Variants in USP14 observed in about 807,000 individuals in gnomAD.
USP14 encodes ubiquitin carboxyl-terminal hydrolase 14.
USP14 carries 38 observed loss-of-function variants against 76.5 expected under a neutral mutation model. That is an observed-to-expected ratio of 0.50 (90% CI 0.38 to 0.65). The LOEUF (loss-of-function observed/expected upper bound fraction) is 0.65. USP14 is among the 30% of genes least tolerant of loss of function. USP14 has a pLI of 0.00. For missense variants in USP14, 467 were observed against 586.5 expected, an observed-to-expected ratio of 0.80 and a Z score of 2.10; for synonymous variants, 192 against 191.7, an observed-to-expected ratio of 1.00 and a Z score of -0.01.
intron 5 of USP14, among the ~76,000 whole-genome samples, chr18:191,182 CAG>C (rs1466281084): frequency 4.6e-5 from 7 of 152,086 alleles, no homozygotes; most frequent in Non-Finnish European, 8.8e-5. Flanking sequence ...AATGTCTTAA[CAG>C]GGAAATGTAA....
intron 3 of USP14, among the ~76,000 whole-genome samples, chr18:171,662 A>G (rs1909467764): frequency 6.6e-6 from 1 of 152,228 alleles, no homozygotes; most frequent in Non-Finnish European, 1.5e-5. Flanking sequence ...CCCATGGATC[A>G]GTAATTTCTA....
chr18:179,016 A>T lies in USP14; in HGVS notation c.279A>T (p.Thr93=). The T allele has an allele frequency of 6.2e-7, 1 of 1,611,620 alleles. No individual in the cohort carries two copies. The highest frequency in any genetic ancestry group is 1.3e-5 in the African/African-American group (1 of 74,872). Residue 93 remains threonine (T), a synonymous_variant, in exon 4 of 16, where the codon ACA becomes ACT. Transcript: ENST00000261601. ...AAACTGTCTTCGTAGAAGACATGACAGAAGAACAGTTAGCATCTGCTGTAA... is the reference window on the plus strand; with the variant it reads ...AAACTGTCTTCGTAGAAGACATGACTGAAGAACAGTTAGCATCTGCTGTAA... ...SAKTVFVEDM[T]EEQLASAMEL...
rs1263838439 is a variant in USP14, at chr18:212,793, C to A, written c.*1509C>A. On this transcript the variant is annotated 3_prime_UTR_variant, in exon 16 of 16. Coordinates refer to ENST00000261601, the MANE Select transcript of USP14 (RefSeq NM_005151.4). Reference sequence around the variant, plus strand: ...GAAAGGATAAAGCATAGAATACCAGCCAGTTTGGCTCTGATTTTGAGTTAT... The same window carrying A: ...GAAAGGATAAAGCATAGAATACCAGACAGTTTGGCTCTGATTTTGAGTTAT... 1 of 152,132 alleles carries A rather than the reference C, an allele frequency of 6.6e-6. No individual in the cohort carries two copies. The highest frequency in any genetic ancestry group is 2.4e-5 in the African/African-American group (1 of 41,426). The allele number at this position is 152,132 out of a possible 1,614,324, so 9.4% of individuals were successfully genotyped here. A position where few individuals can be genotyped will look rare whatever the true frequency, so the allele number is the denominator to read the frequency against.
Position 213,427 on chromosome 18 carries a change from A to AGTT in USP14, c.*2144_*2146dup, listed in dbSNP as rs1910733512. 1 of 151,204 alleles carries AGTT rather than the reference A, an allele frequency of 6.6e-6. No homozygotes were observed. The highest frequency in any genetic ancestry group is 6.6e-5 in the Admixed American group (1 of 15,208). The allele number at this position is 151,204 out of a possible 1,614,324, so 9.4% of individuals were successfully genotyped here. A position where few individuals can be genotyped will look rare whatever the true frequency, so the allele number is the denominator to read the frequency against. ...AAGAATTTTTTCAAGTAGAAATGGGAGTTAGTTATACCAGTGTTGTTTTTA... is the reference window on the plus strand; with the variant it reads ...AAGAATTTTTTCAAGTAGAAATGGGAGTTGTTAGTTATACCAGTGTTGTTTTTA... On this transcript the variant is annotated 3_prime_UTR_variant, in exon 16 of 16. Coordinates refer to ENST00000261601, the MANE Select transcript of USP14 (RefSeq NM_005151.4).
intron 13 of USP14, among the ~76,000 whole-genome samples, chr18:206,399 CTGT>C (rs1179531290): frequency 8.5e-5 from 13 of 152,120 alleles, no homozygotes; most frequent in Admixed American, 8.5e-4. Context: ...TCTAATTGTA[CTGT>C]TTTTTTACTC....
In USP14 at chr18:158,689, G is replaced by A; in HGVS notation, c.-10G>A. 6.5e-7 allele frequency: 1 copy of A among 1,527,288 alleles called. No individual in the cohort carries two copies. The highest frequency in any genetic ancestry group is 1.2e-5 in the South Asian group (1 of 83,200). 94.6% of individuals were successfully genotyped at this position (1,527,288 alleles called of 1,614,324 possible). On this transcript the variant is annotated 5_prime_UTR_variant, in exon 1 of 16. Coordinates refer to ENST00000261601, the MANE Select transcript of USP14 (RefSeq NM_005151.4). ...CTCTCCTGCGCCGCCGCCTCCCGCC[G>A]CGCCCCGCCATGCCGCTCTACTCCG...
chr18:168,030 C>T (rs865801374), intron 3 of USP14, among the ~76,000 whole-genome samples: 19 of 150,886 alleles, frequency 1.3e-4, no homozygotes, highest in African/African-American at 3.2e-4. Flanking sequence ...CTCTGCCTCC[C>T]GGGTTAAAGC....
At chr18:191,389 T>C (rs556246454) in intron 5 of USP14, among the ~76,000 whole-genome samples, 6 of 152,336 alleles carry the variant, frequency 3.9e-5, no homozygotes, top group African/African-American at 1.4e-4. Context: ...TCATACTACT[T>C]AACATAAGCA....
chr18:159,499 G>A (rs937562533), intron 1 of USP14, among the ~76,000 whole-genome samples: 1 of 152,096 alleles, frequency 6.6e-6, no homozygotes, highest in African/African-American at 2.4e-5. Flanking sequence ...AAATATGTGT[G>A]GTGTCTCCAA....
intron 2 of USP14, among the ~76,000 whole-genome samples, chr18:165,419 C>T (rs1909242167): frequency 6.6e-6 from 1 of 152,144 alleles, no homozygotes; most frequent in Non-Finnish European, 1.5e-5. Context: ...ACAGTATGAA[C>T]CTTTGGCCTT....
intron 10 of USP14, among the ~76,000 whole-genome samples, chr18:201,466 G>A (rs917464585): frequency 3.9e-5 from 6 of 152,214 alleles, no homozygotes; most frequent in African/African-American, 1.4e-4. Flanking sequence ...GGTTGGCAAG[G>A]GGAAGGGTTG....
chr18:191,932 C>T (rs971267089), intron 5 of USP14, among the ~76,000 whole-genome samples: 6 of 152,064 alleles, frequency 3.9e-5, no homozygotes, highest in Non-Finnish European at 7.4e-5. Flanking sequence ...TGTAATAAGA[C>T]ATTGTGTGAG....
intron 4 of USP14, 127 bp downstream of exon 4, chr18:179,164 A>T (rs1567829087): frequency 1.1e-5 from 7 of 615,558 alleles, no homozygotes; most frequent in Non-Finnish European, 1.9e-5. Flanking sequence ...AGATATTTTT[A>T]GCAGTAAATA....
Position 158,679 on chromosome 18 carries a change from G to A in USP14, c.-20G>A, listed in dbSNP as rs1331511119. 3 of 1,518,738 alleles carry A rather than the reference G, an allele frequency of 2.0e-6. No individual in the cohort carries two copies. The highest frequency in any genetic ancestry group is 2.6e-6 in the Non-Finnish European group (3 of 1,141,444). 94.1% of individuals were successfully genotyped at this position (1,518,738 alleles called of 1,614,324 possible). A position where few individuals can be genotyped will look rare whatever the true frequency, so the allele number is the denominator to read the frequency against. The stretch of plus-strand genomic sequence containing the variant: ...TCAGGCCCAGCTCTCCTGCGCCGCC[G>A]CCTCCCGCCGCGCCCCGCCATGCCG... On this transcript the variant is annotated 5_prime_UTR_variant, in exon 1 of 16. Transcript: ENST00000261601.
chr18:166,615 G>C (rs141570639), intron 2 of USP14, among the ~76,000 whole-genome samples, 172 bp from the exon 3 acceptor site: 48 of 152,264 alleles, frequency 3.2e-4, no homozygotes, highest in African/African-American at 1.2e-3. Context: ...TTACAGGCGT[G>C]AGCCACTGTG....
intron 2 of USP14, 47 bp from the exon 3 acceptor site, chr18:166,740 A>C: frequency 6.4e-7 from 1 of 1,568,360 alleles, no homozygotes; most frequent in Non-Finnish European, 8.7e-7. Context: ...GATTGTGTTC[A>C]GCTTGTACAG....
intron 2 of USP14, among the ~76,000 whole-genome samples, 195 bp downstream of exon 2, chr18:163,648 T>A (rs546359677): frequency 6.6e-6 from 1 of 152,198 alleles, no homozygotes; most frequent in Admixed American, 6.5e-5. Flanking sequence ...TTGACAACAC[T>A]ATATGGTATT....
At chr18:209,173 TTTTAC>T (rs910343965) in intron 13 of USP14, among the ~76,000 whole-genome samples, 4 of 152,166 alleles carry the variant, frequency 2.6e-5, no homozygotes, top group Non-Finnish European at 4.4e-5. Flanking sequence ...TAGAATCCTG[TTTTAC>T]TTTATGTTTT....
chr18:206,768 G>C (rs1418991166), intron 13 of USP14, among the ~76,000 whole-genome samples: 1 of 152,156 alleles, frequency 6.6e-6, no homozygotes, highest in Non-Finnish European at 1.5e-5. Context: ...GGGTATGGTG[G>C]TGCGGACCTA....
Sources: allele counts gnomAD v4.1 joint callset (sites outside exome capture counted in the v4.1 genomes callset), GRCh38; gene constraint gnomAD v4.1.1; transcripts MANE v1.5; gene names NCBI Gene and HGNC (gene_info 2026-07-23, HGNC 2026-07-21).